BCAP29: variants seen among roughly 807,000 people sequenced by gnomAD.
BCAP29 encodes B cell receptor associated protein 29.
In BCAP29, 34 loss-of-function variants were observed where a neutral mutation model predicts 31.8. The observed-to-expected ratio is 1.07, with a 90% confidence interval of 0.81 to 1.42. The LOEUF (loss-of-function observed/expected upper bound fraction) is 1.42. Ranked by LOEUF, BCAP29 falls within the 40% of genes most tolerant of loss-of-function variation. The pLI, the probability that BCAP29 is intolerant of heterozygous loss-of-function variation, is 0.00. For synonymous variants in BCAP29, 104 were observed against 91.3 expected (o/e 1.14, Z -0.79); for missense variants, 314 against 269.2 (o/e 1.17, Z -1.16).
intron 5 of BCAP29, among the ~76,000 whole-genome samples, chr7:107,599,282 TTTTTATATATA>T (rs1810632158): frequency 5.3e-5 from 1 of 18,880 alleles, no homozygotes; most frequent in South Asian, 1.9e-3. Context: ...TTATATATAA[TTTTTATATATA>T]AATTATATAT....
downstream of BCAP29, chr7:107,621,415 C>T (rs1167897147): frequency 4.7e-6 from 1 of 210,710 alleles, no homozygotes; most frequent in African/African-American, 2.3e-5. Context: ...ACAAACACAA[C>T]TTTATTACTT....
chr7:107,582,479 A>G (rs1259571537), intron 2 of BCAP29, among the ~76,000 whole-genome samples: 1 of 152,156 alleles, frequency 6.6e-6, no homozygotes, highest in Non-Finnish European at 1.5e-5. Context: ...TTTAGTCTCT[A>G]TTATTTTCTT....
intron 2 of BCAP29, among the ~76,000 whole-genome samples, chr7:107,583,439 G>A (rs1047575575): frequency 1.5e-4 from 23 of 151,998 alleles, no homozygotes; most frequent in Non-Finnish European, 1.3e-4. Flanking sequence ...TGGAGTATAC[G>A]TTAAAATTGT....
intron 5 of BCAP29, among the ~76,000 whole-genome samples, chr7:107,598,644 A>G (rs1440817985): frequency 6.6e-6 from 1 of 152,122 alleles, no homozygotes; most frequent in Non-Finnish European, 1.5e-5. Flanking sequence ...GCTCAGTAGA[A>G]CTTTGTATTT....
chr7:107,607,737 G>A (rs138935776), intron 6 of BCAP29, among the ~76,000 whole-genome samples: 264 of 150,026 alleles, frequency 1.8e-3, no homozygotes, highest in African/African-American at 5.9e-3. Context: ...CCCAGGTCCC[G>A]GTTCCAGCAA....
downstream of BCAP29, chr7:107,621,490 T>G (rs932630529): frequency 3.1e-5 from 10 of 322,616 alleles, no homozygotes; most frequent in Non-Finnish European, 5.5e-5. Context: ...TCCCAAAAGA[T>G]ATCCCTATAC....
chr7:107,609,455 T>C (rs1812744837), intron 6 of BCAP29, among the ~76,000 whole-genome samples: 1 of 152,174 alleles, frequency 6.6e-6, no homozygotes, highest in Non-Finnish European at 1.5e-5. Context: ...AGGACAGTGG[T>C]CACAGAGCTG....
chr7:107,610,356 C>T (rs1461015356), intron 6 of BCAP29, among the ~76,000 whole-genome samples: 1 of 152,116 alleles, frequency 6.6e-6, no homozygotes, highest in African/African-American at 2.4e-5. Flanking sequence ...TCATCTAAAG[C>T]CTCCTTGTCC....
Position 107,595,953 on chromosome 7 carries a change from C to T in BCAP29, c.431C>T (p.Thr144Ile). 1 of 1,583,824 alleles carries T rather than the reference C, an allele frequency of 6.3e-7. No homozygotes were observed. The highest frequency in any genetic ancestry group is 8.5e-7 in the Non-Finnish European group (1 of 1,171,032). ...GTACTTAAAACTCAAGCAGAAAATA[C>T]TAACAAGGCTGCCAAAAAATTTATG... ...KGVLKTQAEN[T>I]NKAAKKFMEE... Residue 144 changes from threonine to isoleucine, a missense_variant, in exon 5 of 8, where the codon ACT becomes ATT. Transcript: ENST00000005259.
In BCAP29 at chr7:107,580,848, T is replaced by G; in HGVS notation, c.76T>G (p.Phe26Val). Residue 26 changes from phenylalanine to valine, a missense_variant, in exon 2 of 8, where the codon TTT becomes GTT. Physicochemically the swap from Phe to Val is conservative, Grantham distance 50. Transcript: ENST00000005259. Reference protein sequence around the residue: ...IGLILIFCLPFIPPQRWQKIF... With the variant: ...IGLILIFCLPVIPPQRWQKIF... ...ACTCATTTTAATCTTCTGCCTACCT[T>G]TTATTCCTCCTCAGAGGTAGGAAAC... 1 of 1,592,050 alleles carries G rather than the reference T, an allele frequency of 6.3e-7. No individual in the cohort carries two copies. The highest frequency in any genetic ancestry group is 2.4e-5 in the East Asian group (1 of 42,424).
chr7:107,591,977 G>A (rs1439203011), intron 3 of BCAP29, among the ~76,000 whole-genome samples: 1 of 151,866 alleles, frequency 6.6e-6, no homozygotes, highest in Non-Finnish European at 1.5e-5. Context: ...AAAAGAGACA[G>A]GGTCTTGCCA....
intron 4 of BCAP29, 26 bp downstream of exon 4, chr7:107,594,131 A>G (rs769138042): frequency 5.8e-6 from 9 of 1,561,590 alleles, no homozygotes; most frequent in Middle Eastern, 3.4e-4. Flanking sequence ...TAATAGAAGC[A>G]CAATTTAAAA....
chr7:107,586,674 A>G (rs1807743529), intron 3 of BCAP29, among the ~76,000 whole-genome samples: 1 of 150,956 alleles, frequency 6.6e-6, no homozygotes, highest in South Asian at 2.1e-4. Context: ...TTTCTTGGTT[A>G]TCTCTCTAAA....
At chr7:107,615,854 T>C (rs1262790279) in intron 7 of BCAP29, 1 of 152,686 alleles carries the variant, frequency 6.5e-6, no homozygotes, top group Non-Finnish European at 1.5e-5. Flanking sequence ...TTGTTTACTC[T>C]CCATGACAGC....
intron 6 of BCAP29, among the ~76,000 whole-genome samples, chr7:107,605,376 C>A (rs1050520678): frequency 1.8e-4 from 27 of 152,124 alleles, no homozygotes; most frequent in African/African-American, 6.0e-4. Flanking sequence ...AGATGGTAAA[C>A]CAAACATATG....
intron 4 of BCAP29, among the ~76,000 whole-genome samples, chr7:107,595,463 G>A (rs781202179): frequency 4.6e-5 from 7 of 152,124 alleles, no homozygotes; most frequent in Non-Finnish European, 7.3e-5. Flanking sequence ...ACACATAAAC[G>A]GATGTGAATG....
At chr7:107,594,262 C>T in intron 4 of BCAP29, 157 bp downstream of exon 4, 1 of 636,186 alleles carries the variant, frequency 1.6e-6, no homozygotes, top group South Asian at 2.1e-5. Context: ...CTTCATAGCT[C>T]ACTGTAACTT....
downstream of BCAP29, chr7:107,621,181 A>T (rs1458977050): frequency 6.5e-6 from 1 of 154,324 alleles, no homozygotes; most frequent in Non-Finnish European, 1.4e-5. Context: ...ACTATTGTGC[A>T]TTTGAGTGCC....
At chr7:107,616,862 C>G (rs904027084) in intron 7 of BCAP29, among the ~76,000 whole-genome samples, 1 of 152,208 alleles carries the variant, frequency 6.6e-6, no homozygotes, top group African/African-American at 2.4e-5. Flanking sequence ...CCTCAGCCTT[C>G]TGAGTGACTG....
Sources: gnomAD v4.1 joint callset for allele counts (sites outside exome capture counted in the v4.1 genomes callset) on GRCh38, gnomAD v4.1.1 for gene constraint, MANE v1.5 for transcripts, NCBI Gene and HGNC (gene_info 2026-07-23, HGNC 2026-07-21) for gene names.